The following SLC16A10 variants were observed in gnomAD, a reference collection of about 807,000 sequenced individuals.
SLC16A10 encodes monocarboxylate transporter 10.
A neutral mutation model predicts 40.0 loss-of-function variants in SLC16A10; 27 were observed. The observed-to-expected ratio is 0.67, with a 90% CI of 0.50 to 0.93. The LOEUF (loss-of-function observed/expected upper bound fraction) is 0.93. SLC16A10 is among the 40% of genes least tolerant of loss of function. The pLI is 0.00. For synonymous variants in SLC16A10, 213 were observed against 249.8 expected, an observed-to-expected ratio of 0.85 and a Z score of 1.39; for missense variants, 529 against 658.2, an observed-to-expected ratio of 0.80 and a Z score of 2.15.
intron 1 of SLC16A10, among the ~76,000 whole-genome samples, chr6:111,160,056 C>T (rs1161944413): frequency 1.3e-5 from 2 of 152,050 alleles, no homozygotes; most frequent in African/African-American, 4.8e-5. Flanking sequence ...CAAATCTTCT[C>T]TCTCAGTTTG....
At chr6:111,194,522 C>T (rs1030631315) in intron 3 of SLC16A10, among the ~76,000 whole-genome samples, 4 of 152,116 alleles carry the variant, frequency 2.6e-5, no homozygotes, top group South Asian at 2.1e-4. Context: ...TCCAGAAGAA[C>T]GGGGTGTCTG....
chr6:111,152,061 C>G (rs1405534123), intron 1 of SLC16A10, among the ~76,000 whole-genome samples: 2 of 152,156 alleles, frequency 1.3e-5, no homozygotes, highest in South Asian at 2.1e-4. Flanking sequence ...TGTTTCCACC[C>G]CCTCAGTAAC....
chr6:111,200,713 T>G (rs1485715728), intron 3 of SLC16A10, among the ~76,000 whole-genome samples: 1 of 152,238 alleles, frequency 6.6e-6, no homozygotes, highest in Admixed American at 6.5e-5. Flanking sequence ...TAACCCACGC[T>G]TGCAGGCTTT....
In SLC16A10 at chr6:111,218,976, TC is replaced by T; in HGVS notation, c.1252del (p.Gln418LysfsTer14). 1 of 1,614,168 alleles carries T rather than the reference TC, an allele frequency of 6.2e-7. No individual in the cohort carries two copies. The highest frequency in any genetic ancestry group is 8.5e-7 in the Non-Finnish European group (1 of 1,180,020). On this transcript the variant is annotated frameshift_variant, in exon 5 of 6. Coordinates refer to ENST00000368851, the MANE Select transcript of SLC16A10 (RefSeq NM_018593.5). LOFTEE classifies it high-confidence loss of function. The stretch of plus-strand genomic sequence containing the variant: ...TGAGTTAGTTGGTGCCCAGGATGTC[TC>T]CCAAGCAATTGGATTTCTGCTCGGA... ...AFELVGAQDV[S>X]QAIGFLLGFM...
At chr6:111,154,316 CAAATA>C (rs569817312) in intron 1 of SLC16A10, among the ~76,000 whole-genome samples, 123 of 152,168 alleles carry the variant, frequency 8.1e-4, no homozygotes, top group Non-Finnish European at 1.3e-3. Flanking sequence ...AAACACTGCA[CAAATA>C]AAATAGTAGG....
chr6:111,090,469 G>T (rs1770955146), intron 1 of SLC16A10, among the ~76,000 whole-genome samples: 1 of 152,214 alleles, frequency 6.6e-6, no homozygotes, highest in Admixed American at 6.5e-5. Flanking sequence ...CATTACTTGG[G>T]TGCTAGGTAA....
chr6:111,180,053 G>T (rs1379568177), intron 3 of SLC16A10, among the ~76,000 whole-genome samples: 1 of 151,458 alleles, frequency 6.6e-6, no homozygotes, highest in Admixed American at 6.6e-5. Flanking sequence ...ACCCTTTATT[G>T]ACTGTTGAGG....
chr6:111,124,047 T>A (rs1771629057), intron 1 of SLC16A10, among the ~76,000 whole-genome samples: 1 of 152,106 alleles, frequency 6.6e-6, no homozygotes, highest in African/African-American at 2.4e-5. Flanking sequence ...GAGGGCCGCA[T>A]TAGGAGCAAA....
At chr6:111,219,563 G>C (rs976715895) in intron 5 of SLC16A10, among the ~76,000 whole-genome samples, 2 of 151,760 alleles carry the variant, frequency 1.3e-5, no homozygotes, top group Non-Finnish European at 2.9e-5. Context: ...TTCTAAATAT[G>C]TCGGCTTTTG....
chr6:111,159,841 A>G (rs1203585884), intron 1 of SLC16A10, among the ~76,000 whole-genome samples: 14 of 152,054 alleles, frequency 9.2e-5, no homozygotes, highest in Admixed American at 9.2e-4. Flanking sequence ...ATATCCTGTG[A>G]TGTGTGTGGT....
At position 111,198,035 on chromosome 6, in the gene SLC16A10, G is replaced by A. The variant is rs557608600; in HGVS notation, c.943-8557G>A. Among the ~76,000 whole-genome samples the A allele has an allele frequency of 4.6e-5, 7 of 152,168 alleles. No homozygotes were observed. In the South Asian group the frequency reaches 6.2e-4, roughly 14 times the overall value. The stretch of plus-strand genomic sequence containing the variant: ...GGCACGGTGGCTCACGCCTGTAATC[G>A]CAGCACTTTGAGAGGCCGAGGCAGG... On this transcript the variant is annotated intron_variant, in intron 3 of 5. Coordinates refer to ENST00000368851, the MANE Select transcript of SLC16A10 (RefSeq NM_018593.5).
intron 1 of SLC16A10, among the ~76,000 whole-genome samples, chr6:111,095,315 TTTA>T (rs1398637788): frequency 6.6e-6 from 1 of 152,246 alleles, no homozygotes; most frequent in East Asian, 1.9e-4. Flanking sequence ...GGTTGGCCAT[TTTA>T]TTCTTATGTC....
chr6:111,094,200 C>G (rs976523523), intron 1 of SLC16A10, among the ~76,000 whole-genome samples: 2 of 152,168 alleles, frequency 1.3e-5, no homozygotes, highest in Admixed American at 1.3e-4. Flanking sequence ...CCTTGAGGCT[C>G]AGCCCCTGGC....
At position 111,206,640 on chromosome 6, in the gene SLC16A10, G is replaced by A. The variant is rs1226434255; in HGVS notation, c.991G>A (p.Val331Ile). The change falls in exon 4 of 6, where the codon GTT becomes ATT. Residue 331 changes from valine to isoleucine, a missense_variant. Transcript: ENST00000368851. Reference protein sequence around the residue: ...RFQDEKNKEVVLMCIGVTSGV... With the variant: ...RFQDEKNKEVILMCIGVTSGV... ...TCAAGATGAAAAAAATAAAGAGGTT[G>A]TTCTCATGTGCATTGGCGTCACTTC... 1 of 1,614,004 alleles carries A rather than the reference G, an allele frequency of 6.2e-7. No individual in the cohort carries two copies. Among genetic ancestry groups the A allele is most frequent in the Non-Finnish European group, 8.5e-7 (1 of 1,180,008 alleles).
At chr6:111,162,724 C>T (rs902979194) in intron 1 of SLC16A10, among the ~76,000 whole-genome samples, 1 of 152,190 alleles carries the variant, frequency 6.6e-6, no homozygotes, top group African/African-American at 2.4e-5. Flanking sequence ...AAATTTTGTT[C>T]ACTGGAGTAT....
intron 1 of SLC16A10, among the ~76,000 whole-genome samples, chr6:111,120,556 T>C (rs1391832306): frequency 6.6e-6 from 1 of 152,240 alleles, no homozygotes; most frequent in African/African-American, 2.4e-5. Context: ...GATATAAAAT[T>C]GTTCTTTTAA....
At chr6:111,106,848 T>G (rs1214056221) in intron 1 of SLC16A10, among the ~76,000 whole-genome samples, 1 of 152,232 alleles carries the variant, frequency 6.6e-6, no homozygotes, top group Non-Finnish European at 1.5e-5. Flanking sequence ...TGGTAGATTT[T>G]CAGATAGGCT....
chr6:111,092,315 GTTTTTTTTTTTTT>G, intron 1 of SLC16A10, among the ~76,000 whole-genome samples: 1 of 98,578 alleles, frequency 1.0e-5, no homozygotes, highest in African/African-American at 4.1e-5. Context: ...TTTTTTTGTT[GTTTTTTTTTTTTT>G]TTTTTTTTTG....
intron 1 of SLC16A10, among the ~76,000 whole-genome samples, chr6:111,117,644 C>T (rs899204850): frequency 2.0e-5 from 3 of 152,072 alleles, no homozygotes; most frequent in African/African-American, 7.2e-5. Context: ...TTGGTTTTTG[C>T]TTCACCACCG....
Sources: gnomAD v4.1 joint callset for allele counts (sites outside exome capture counted in the v4.1 genomes callset) on GRCh38, gnomAD v4.1.1 for gene constraint, MANE v1.5 for transcripts, NCBI Gene and HGNC (gene_info 2026-07-23, HGNC 2026-07-21) for gene names.